The following C4orf50 variants were observed in gnomAD, a reference collection of about 807,000 sequenced individuals.
The protein encoded by C4orf50 is chromosome 4 open reading frame 50.
Under a neutral mutation model 77.2 loss-of-function variants are expected in C4orf50, and 80 were observed. That is an observed-to-expected ratio of 1.04 (90% CI 0.87 to 1.25). The LOEUF is 1.25. Among genes scored for constraint, C4orf50 ranks in the 50% most tolerant of loss-of-function variants. The probability of loss-of-function intolerance (pLI) is 0.00; values close to 1 mark genes in which losing one functional copy is unlikely to be tolerated. For synonymous variants in C4orf50, 532 were observed against 465.3 expected (o/e 1.14, Z -1.84); for missense variants, 1,257 against 1,152.9 (o/e 1.09, Z -1.31).
rs556951935 is a variant in C4orf50, at chr4:5,959,295, T to C, written c.*80A>G. 1.5e-5 allele frequency: 23 copies of C among 1,485,714 alleles called. No individual in the cohort carries two copies. The African/African-American group carries it at 3.2e-4, about 21-fold the overall frequency. The allele number at this position is 1,485,714 out of a possible 1,614,324, so 92.0% of individuals were successfully genotyped here. On this transcript the variant is annotated 3_prime_UTR_variant, in exon 34 of 34. Transcript: ENST00000531445. Reference sequence around the variant, plus strand: ...AAATGAGGGCTCTGATTGCTACCAATTTCTTAAAGCACTCTCTGAAGGTTC... The same window carrying C: ...AAATGAGGGCTCTGATTGCTACCAACTTCTTAAAGCACTCTCTGAAGGTTC...
At chr4:5,956,877 T>C (rs935919645), downstream of C4orf50, 1 of 152,332 alleles carries the variant, frequency 6.6e-6, no homozygotes, top group African/African-American at 2.4e-5. Context: ...GACCAGCTCC[T>C]GTGTGCCAAG....
At chr4:5,941,727 C>T (rs1259468108) in intron 7 of C4orf50, among the ~76,000 whole-genome samples, 1 of 152,172 alleles carries the variant, frequency 6.6e-6, no homozygotes, top group Non-Finnish European at 1.5e-5. Context: ...TCACTGCAGC[C>T]TTGTCCCCAT....
In C4orf50 at chr4:5,922,081, T is replaced by C. The variant is rs373036799; in HGVS notation, c.*2475-23893A>G. On this transcript the variant is annotated intron_variant, in intron 7 of 7. Coordinates refer to the C4orf50 transcript ENST00000324058. ...ATGAGAGCCCAGAGGAGATACACAC[T>C]TGAGAGATCCCAGGGTGGCTGCCTC... Among the ~76,000 whole-genome samples the C allele has an allele frequency of 8.3e-4, 127 of 152,228 alleles. 1 individual carries two copies. Among genetic ancestry groups the C allele is most frequent in the African/African-American group, 3.0e-3 (123 of 41,536 alleles).
chr4:5,977,383 A>C lies in C4orf50; in HGVS notation c.3865-1428T>G, dbSNP rs144691020. Among the ~76,000 whole-genome samples, 105 of 152,336 alleles carry C rather than the reference A, an allele frequency of 6.9e-4. 1 individual carries two copies. Among genetic ancestry groups the C allele is most frequent in the African/African-American group, 2.2e-3 (90 of 41,580 alleles). On this transcript the variant is annotated intron_variant, in intron 29 of 33. Coordinates refer to ENST00000531445, the Ensembl canonical transcript of C4orf50. ...GGACCAACATACCTATATGGATCAG[A>C]ATGTGTGTATATGAAATTATACTGT...
intron 25 of C4orf50, among the ~76,000 whole-genome samples, chr4:6,004,013 G>GTGATGGTGATGATAGTGA (rs1722020705): frequency 7.8e-6 from 1 of 127,754 alleles, no homozygotes; most frequent in African/African-American, 3.0e-5. Flanking sequence ...TGGTGATGAT[G>GTGATGGTGATGATAGTGA]TGATGGTGAT....
At chr4:5,959,442 T>C in exon 34 of C4orf50, 4 of 1,614,200 alleles carry the variant, frequency 2.5e-6, no homozygotes, top group Non-Finnish European at 3.4e-6. Context: ...TCTAAGCTCT[T>C]GGTGAAAAGC....
exon 31 of C4orf50, chr4:5,973,800 G>T: frequency 6.2e-7 from 1 of 1,613,508 alleles, no homozygotes; most frequent in Non-Finnish European, 8.5e-7. Flanking sequence ...TGATCAGGCG[G>T]TTCCTCTCCC....
rs1011985988 is a variant in C4orf50, at chr4:5,999,583, G to T, written c.964-5107C>A. Among the ~76,000 whole-genome samples the T allele has an allele frequency of 5.9e-5, 9 of 152,230 alleles. No homozygotes were observed. The South Asian group carries it at 6.2e-4, about 11-fold the overall frequency. ...GAAGCTTCCTTTTCCCGTGGGCAGT[G>T]GAGCAAATAACTTCACCGATGCCTC... is the stretch of plus-strand genomic sequence containing the variant. On this transcript the variant is annotated intron_variant, in intron 25 of 33. Coordinates refer to ENST00000531445, the Ensembl canonical transcript of C4orf50.
At chr4:5,928,241 C>T (rs535692945) in intron 7 of C4orf50, among the ~76,000 whole-genome samples, 1 of 152,212 alleles carries the variant, frequency 6.6e-6, no homozygotes, top group South Asian at 2.1e-4. Flanking sequence ...GAGTGTCTGC[C>T]ATACTCAGGA....
At chr4:5,994,085 C>T (rs1040603387) in intron 26 of C4orf50, among the ~76,000 whole-genome samples, 50 of 152,230 alleles carry the variant, frequency 3.3e-4, no homozygotes, top group East Asian at 1.4e-3. Context: ...GGCACCCTCC[C>T]GAGGGCCAAG....
chr4:6,003,689 GTGA>G (rs1220364056), intron 25 of C4orf50, among the ~76,000 whole-genome samples: 2 of 144,734 alleles, frequency 1.4e-5, no homozygotes, highest in African/African-American at 5.1e-5. Flanking sequence ...AGTGATGATG[GTGA>G]TGATAGTGAT....
intron 25 of C4orf50, among the ~76,000 whole-genome samples, chr4:6,001,713 A>G (rs966773163): frequency 1.3e-5 from 2 of 152,226 alleles, no homozygotes; most frequent in Non-Finnish European, 2.9e-5. Context: ...TTCTGTGCCA[A>G]GGACTGTGCT....
intron 25 of C4orf50, among the ~76,000 whole-genome samples, chr4:5,999,320 G>A (rs77325067): frequency 0.043 from 6,524 of 152,226 alleles, 167 homozygotes; most frequent in African/African-American, 0.059. Context: ...CCCTTCCTCA[G>A]TGTTCTCCTC....
At position 5,900,467 on chromosome 4, in the gene C4orf50, G is replaced by C. The variant is rs1161873614; in HGVS notation, c.*2475-2279C>G. ...AGTAGGTGAGTTTCCAAGATATCCT[G>C]GGATTCAGGGCTTCCCCAGGGCGAA... On this transcript the variant is annotated intron_variant, in intron 7 of 7. Transcript: ENST00000324058. The surrounding 1 kb of genome is among the most constrained non-coding windows in gnomAD (Gnocchi z 4.3). 1 of 151,932 alleles carries C rather than the reference G, an allele frequency of 6.6e-6. No individual in the cohort carries two copies. The highest frequency in any genetic ancestry group is 1.5e-5 in the Non-Finnish European group (1 of 68,012). The allele number at this position is 151,932 out of a possible 1,614,324, so 9.4% of individuals were successfully genotyped here.
chr4:6,000,730 AC>A lies in C4orf50; in HGVS notation c.964-6255del, dbSNP rs1297765811. On this transcript the variant is annotated intron_variant, in intron 25 of 33. Transcript: ENST00000531445. This position sits in a 1 kb window ranked among gnomAD's most constrained non-coding sequence, Gnocchi z 6.0. Reference sequence around the variant, plus strand: ...GCTCAGACTGGAGCCAAGCACACGCACCAAGTGGGTACCATCAAATCCTGAC... The same window carrying A: ...GCTCAGACTGGAGCCAAGCACACGCACAAGTGGGTACCATCAAATCCTGAC... 2.6e-5 allele frequency among the ~76,000 whole-genome samples: 4 copies of A among 152,106 alleles called. No homozygotes were observed. Among genetic ancestry groups the A allele is most frequent in the African/African-American group, 9.7e-5 (4 of 41,414 alleles).
intron 33 of C4orf50, among the ~76,000 whole-genome samples, chr4:5,964,811 A>G (rs1236343695): frequency 6.6e-6 from 1 of 150,968 alleles, no homozygotes; most frequent in Non-Finnish European, 1.5e-5. Flanking sequence ...CCTAGGACAC[A>G]TGATTTGACC....
chr4:6,006,030 A>G (rs1722238522), intron 25 of C4orf50, among the ~76,000 whole-genome samples: 1 of 152,244 alleles, frequency 6.6e-6, no homozygotes, highest in Non-Finnish European at 1.5e-5. Context: ...CTTGTTTTCC[A>G]AAATTACAAC....
intron 31 of C4orf50, among the ~76,000 whole-genome samples, chr4:5,969,955 C>T (rs1485424384): frequency 6.6e-6 from 1 of 152,096 alleles, no homozygotes; most frequent in Non-Finnish European, 1.5e-5. Context: ...GCAGGAGAGC[C>T]AGCTGCCATC....
chr4:5,955,748 G>A (rs970479204), downstream of C4orf50, among the ~76,000 whole-genome samples: 1 of 152,122 alleles, frequency 6.6e-6, no homozygotes, highest in African/African-American at 2.4e-5. The surrounding 1 kb of genome is among the most constrained non-coding windows in gnomAD (Gnocchi z 5.1). Flanking sequence ...AGATGGAAAC[G>A]CAGCTGGCCC....
Sources: gnomAD v4.1 joint callset for allele counts (sites outside exome capture counted in the v4.1 genomes callset) on GRCh38, gnomAD v4.1.1 for gene constraint, Gnocchi (gnomAD v3.1) non-coding constraint, MANE v1.5 for transcripts, NCBI Gene and HGNC (gene_info 2026-07-23, HGNC 2026-07-21) for gene names.